ANGPTL4: variants seen among roughly 807,000 people sequenced by gnomAD.
ANGPTL4 encodes the protein angiopoietin-related protein 4.
In ANGPTL4, 39 loss-of-function variants were observed where a neutral mutation model predicts 39.2. That is an observed-to-expected ratio of 1.00 (90% CI 0.77 to 1.30). ANGPTL4 has a LOEUF of 1.30. Among genes scored for constraint, ANGPTL4 ranks in the 50% most tolerant of loss-of-function variants. The pLI is 0.00. For missense variants in ANGPTL4, 545 were observed against 549.8 expected, an observed-to-expected ratio of 0.99 and a Z score of 0.09; for synonymous variants, 233 against 229.5, an observed-to-expected ratio of 1.02 and a Z score of -0.14.
At chr19:8,364,773 TC>T (rs1970966346) in intron 1 of ANGPTL4, 134 bp downstream of exon 1, 9 of 1,168,126 alleles carry the variant, frequency 7.7e-6, no homozygotes, top group South Asian at 1.4e-5. Flanking sequence ...AGGGATGGGC[TC>T]CCCCCTTAGG....
At chr19:8,370,730 T>C (rs117661189) in intron 4 of ANGPTL4, among the ~76,000 whole-genome samples, 13,471 of 151,396 alleles carry the variant, frequency 0.089, 810 homozygotes, top group Non-Finnish European at 0.13. Context: ...AAGAAAGCTT[T>C]TTTTTCCACT....
intron 3 of ANGPTL4, among the ~76,000 whole-genome samples, chr19:8,366,922 G>A (rs1312382033): frequency 7.4e-6 from 1 of 135,426 alleles, no homozygotes; most frequent in Non-Finnish European, 1.5e-5. Flanking sequence ...GGCTTTTGCT[G>A]CCACCACAAG....
chr19:8,364,270 C>G lies in ANGPTL4; in HGVS notation c.-52C>G. ...GCGTCTCCAGTCCTCGCACCTGGAACCCCAACGTCCCCGAGAGTCCCCGAA... is the reference window on the plus strand; with the variant it reads ...GCGTCTCCAGTCCTCGCACCTGGAAGCCCAACGTCCCCGAGAGTCCCCGAA... On this transcript the variant is annotated 5_prime_UTR_variant, in exon 1 of 7. Coordinates refer to ENST00000301455, the MANE Select transcript of ANGPTL4 (RefSeq NM_139314.3). 6.6e-7 allele frequency: 1 copy of G among 1,509,720 alleles called. No individual in the cohort carries two copies. 93.5% of individuals were successfully genotyped at this position (1,509,720 alleles called of 1,614,324 possible). A position where few individuals can be genotyped will look rare whatever the true frequency, so the allele number is the denominator to read the frequency against.
Position 8,364,466 on chromosome 19 carries a change from C to A in ANGPTL4, c.145C>A (p.Leu49Met). 6.4e-7 allele frequency: 1 copy of A among 1,562,506 alleles called. No individual in the cohort carries two copies. Among genetic ancestry groups the A allele is most frequent in the East Asian group, 2.4e-5 (1 of 42,302 alleles). The change falls in exon 1 of 7, where the codon CTG becomes ATG. Residue 49 changes from leucine to methionine, a missense_variant. Coordinates refer to ENST00000301455, the MANE Select transcript of ANGPTL4 (RefSeq NM_139314.3). ...DEMNVLAHGLLQLGQGLREHA... is the reference protein window; with the variant it reads ...DEMNVLAHGLMQLGQGLREHA... ...GATGAATGTCCTGGCGCACGGACTC[C>A]TGCAGCTCGGCCAGGGGCTGCGCGA... is the stretch of plus-strand genomic sequence containing the variant.
intron 1 of ANGPTL4, among the ~76,000 whole-genome samples, chr19:8,365,485 T>TAAC (rs1472037162): frequency 6.8e-6 from 1 of 146,806 alleles, no homozygotes; most frequent in Non-Finnish European, 1.5e-5. Flanking sequence ...CTCAAAATAA[T>TAAC]AATAATAATA....
intron 4 of ANGPTL4, 46 bp downstream of exon 4, chr19:8,369,378 G>A (rs1251493990): frequency 7.1e-7 from 1 of 1,399,578 alleles, no homozygotes; most frequent in Admixed American, 1.9e-5. Flanking sequence ...CATAGGCCCT[G>A]TTGTCTTTCT....
rs1043663357 is a variant in ANGPTL4 at position 8,371,675 on chromosome 19, A to G, written c.1039+153A>G. On this transcript the variant is annotated intron_variant, in intron 6 of 6. Transcript: ENST00000301455. The surrounding 1 kb of genome is among the most constrained non-coding windows in gnomAD (Gnocchi z 5.1). ...TGTGATTGGGCCACTAACTTAGCCT[A>G]TCTGGCCTCAGTTTTCCCATCCTGA... Among the ~76,000 whole-genome samples the G allele has an allele frequency of 2.0e-5, 3 of 152,154 alleles. No individual in the cohort carries two copies. The highest frequency in any genetic ancestry group is 2.4e-5 in the African/African-American group (1 of 41,434).
At chr19:8,369,902 T>A (rs1335331532) in intron 4 of ANGPTL4, among the ~76,000 whole-genome samples, 1 of 151,870 alleles carries the variant, frequency 6.6e-6, no homozygotes, top group Non-Finnish European at 1.5e-5. Context: ...TTACAAAAAA[T>A]TTTGTAAAAG....
At position 8,373,744 on chromosome 19, in the gene ANGPTL4, A is replaced by ACGGC. The variant is rs757615320; in HGVS notation, c.1081_1084dup (p.Gln362ArgfsTer15). 55 of 1,613,766 alleles carry ACGGC rather than the reference A, an allele frequency of 3.4e-5. No individual in the cohort carries two copies. The highest frequency in any genetic ancestry group is 4.3e-5 in the Non-Finnish European group (51 of 1,180,008). ...GGCACCTGCAGCCATTCCAACCTCA[A>ACGGC]CGGCCAGTACTTCCGCTCCATCCCA... On this transcript the variant is annotated frameshift_variant, in exon 7 of 7. Transcript: ENST00000301455. LOFTEE classifies it low-confidence loss of function (END_TRUNC).
In ANGPTL4 at chr19:8,371,440, C is replaced by CAGCG; in HGVS notation, c.958_961dup (p.Gly321GlufsTer56). The CAGCG allele has an allele frequency of 6.2e-7, 1 of 1,613,422 alleles. No homozygotes were observed. The highest frequency in any genetic ancestry group is 1.1e-5 in the South Asian group (1 of 91,080). Reference sequence around the variant, plus strand: ...AGCTGGGCGCCACCACCGTCCCACCCAGCGGCCTCTCCGTACCCTTCTCCA... The same window carrying CAGCG: ...AGCTGGGCGCCACCACCGTCCCACCCAGCGAGCGGCCTCTCCGTACCCTTCTCCA... On this transcript the variant is annotated frameshift_variant, in exon 6 of 7. Coordinates refer to ENST00000301455, the MANE Select transcript of ANGPTL4 (RefSeq NM_139314.3). LOFTEE classifies it high-confidence loss of function. This position sits in a 1 kb window ranked among gnomAD's most constrained non-coding sequence, Gnocchi z 5.1.
Position 8,374,120 on chromosome 19 carries a change from C to T in ANGPTL4, c.*234C>T, listed in dbSNP as rs144902775. 5.9e-5 allele frequency: 32 copies of T among 543,964 alleles called. No individual in the cohort carries two copies. The highest frequency in any genetic ancestry group is 4.7e-4 in the African/African-American group (25 of 52,778). The allele number at this position is 543,964 out of a possible 1,614,324, so 33.7% of individuals were successfully genotyped here. A position where few individuals can be genotyped will look rare whatever the true frequency, so the allele number is the denominator to read the frequency against. On this transcript the variant is annotated 3_prime_UTR_variant, in exon 7 of 7. Transcript: ENST00000301455. ...ATGCTCAGACTCTAGAGGCGTGGAC[C>T]AAGGGGCATGGAGCTTCACTCCTTG...
At position 8,364,289 on chromosome 19, in the gene ANGPTL4, C is replaced by A. The variant is rs754020483; in HGVS notation, c.-33C>A. On this transcript the variant is annotated 5_prime_UTR_variant, in exon 1 of 7. Coordinates refer to ENST00000301455, the MANE Select transcript of ANGPTL4 (RefSeq NM_139314.3). ...CTGGAACCCCAACGTCCCCGAGAGT[C>A]CCCGAATCCCCGCTCCCAGGCTACC... 2.4e-5 allele frequency: 37 copies of A among 1,529,228 alleles called. No homozygotes were observed. The South Asian group carries it at 4.1e-4, about 17-fold the overall frequency. 94.7% of individuals were successfully genotyped at this position (1,529,228 alleles called of 1,614,324 possible).
chr19:8,369,683 A>T (rs1971077112), intron 4 of ANGPTL4, among the ~76,000 whole-genome samples: 1 of 151,754 alleles, frequency 6.6e-6, no homozygotes, highest in Non-Finnish European at 1.5e-5. Context: ...CAAACTCCTG[A>T]CCTCAAATGA....
intron 3 of ANGPTL4, among the ~76,000 whole-genome samples, chr19:8,367,717 C>G (rs1370154367): frequency 6.6e-6 from 1 of 152,194 alleles, no homozygotes; most frequent in African/African-American, 2.4e-5. Flanking sequence ...TGCCTCCTCT[C>G]CCTCTAGGAG....
Position 8,374,024 on chromosome 19 carries a change from G to A in ANGPTL4, c.*138G>A, listed in dbSNP as rs558128546. ...ACTTGTGGACAGAGAAGAAGACCAC[G>A]ACTGGAGAAGCCCCCTTTCTGAGTG... On this transcript the variant is annotated 3_prime_UTR_variant, in exon 7 of 7. Transcript: ENST00000301455. 4.8e-5 allele frequency: 43 copies of A among 904,766 alleles called. No individual in the cohort carries two copies. The South Asian group carries it at 5.7e-4, about 12-fold the overall frequency. The allele number at this position is 904,766 out of a possible 1,614,324, so 56.0% of individuals were successfully genotyped here. A position where few individuals can be genotyped will look rare whatever the true frequency, so the allele number is the denominator to read the frequency against.
At position 8,365,997 on chromosome 19, in the gene ANGPTL4, A is replaced by G. The variant is rs758001199; in HGVS notation, c.362A>G (p.His121Arg). Residue 121 changes from histidine (H) to arginine (R), a missense_variant, in exon 2 of 7, where the codon CAC becomes CGC. Coordinates refer to ENST00000301455, the MANE Select transcript of ANGPTL4 (RefSeq NM_139314.3). Reference protein sequence around the residue: ...AQNSRIQQLFHKVAQQQRHLE... With the variant: ...AQNSRIQQLFRKVAQQQRHLE... ...AACAGCAGGATCCAGCAACTCTTCC[A>G]CAAGGTGGCCCAGCAGCAGCGGCAC... 1 of 1,614,112 alleles carries G rather than the reference A, an allele frequency of 6.2e-7. No individual in the cohort carries two copies. Among genetic ancestry groups the G allele is most frequent in the South Asian group, 1.1e-5 (1 of 91,070 alleles).
intron 3 of ANGPTL4, among the ~76,000 whole-genome samples, chr19:8,367,856 A>G (rs1971037386): frequency 6.6e-6 from 1 of 152,136 alleles, no homozygotes; most frequent in Non-Finnish European, 1.5e-5. Flanking sequence ...TTTGAGACGG[A>G]GTCTCGCTCT....
intron 1 of ANGPTL4, among the ~76,000 whole-genome samples, 190 bp downstream of exon 1, chr19:8,364,829 C>G (rs900204145): frequency 6.6e-6 from 1 of 151,728 alleles, no homozygotes; most frequent in African/African-American, 2.4e-5. Context: ...TTCAAGACCA[C>G]CTAAAGCAAA....
In ANGPTL4 at chr19:8,373,798, T is replaced by A. The variant is rs1428311992; in HGVS notation, c.1133T>A (p.Ile378Asn). 20 of 1,613,912 alleles carry A rather than the reference T, an allele frequency of 1.2e-5. No homozygotes were observed. Among genetic ancestry groups the A allele is most frequent in the Non-Finnish European group, 1.7e-5 (20 of 1,180,034 alleles). Reference sequence around the variant, plus strand: ...CAGCGGCAGAAGCTTAAGAAGGGAATCTTCTGGAAGACCTGGCGGGGCCGC... The same window carrying A: ...CAGCGGCAGAAGCTTAAGAAGGGAAACTTCTGGAAGACCTGGCGGGGCCGC... ...PQQRQKLKKG[I>N]FWKTWRGRYY... Residue 378 changes from isoleucine (I) to asparagine (N), a missense_variant, in exon 7 of 7, where the codon ATC becomes AAC. Coordinates refer to ENST00000301455, the MANE Select transcript of ANGPTL4 (RefSeq NM_139314.3).
Sources: gnomAD v4.1 joint callset for allele counts (sites outside exome capture counted in the v4.1 genomes callset) on GRCh38, gnomAD v4.1.1 for gene constraint, Gnocchi (gnomAD v3.1) non-coding constraint, MANE v1.5 for transcripts, NCBI Gene and HGNC (gene_info 2026-07-23, HGNC 2026-07-21) for gene names.